Variants in TRAF3IP2 observed in about 807,000 individuals in gnomAD.
TRAF3IP2 encodes TRAF3 interacting protein 2, also known as E3 ubiquitin ligase TRAF3IP2.
In TRAF3IP2, 35 loss-of-function variants were observed where a neutral mutation model predicts 57.9. The observed-to-expected ratio is 0.60, with a 90% CI of 0.46 to 0.80. TRAF3IP2 has a LOEUF of 0.80. Among genes scored for constraint, TRAF3IP2 ranks in the 30% least tolerant of loss-of-function variants. TRAF3IP2 has a pLI of 0.00. For synonymous variants in TRAF3IP2, 251 were observed against 268.9 expected, an observed-to-expected ratio of 0.93 and a Z score of 0.65; for missense variants, 556 against 706.4, an observed-to-expected ratio of 0.79 and a Z score of 2.41.
Position 111,591,677 on chromosome 6 carries a change from C to T in TRAF3IP2, c.410G>A (p.Arg137His), listed in dbSNP as rs1243216801. The T allele has an allele frequency of 7.4e-6, 12 of 1,614,116 alleles. No homozygotes were observed. Among genetic ancestry groups the T allele is most frequent in the South Asian group, 4.4e-5 (4 of 91,090 alleles). The change falls in exon 2 of 9, where the codon CGT becomes CAT. Residue 137 changes from arginine (R) to histidine (H), a missense_variant. Transcript: ENST00000368761. The surrounding 1 kb of genome is among the most constrained non-coding windows in gnomAD (Gnocchi z 4.9). The stretch of plus-strand genomic sequence containing the variant: ...AAGCTGAGATACCAGCCATTGATTA[C>T]GTTTTTCCATAAATGAAAACTGATG... Reference protein sequence around the residue: ...AEHQFSFMEKRNQWLVSQLSA... With the variant: ...AEHQFSFMEKHNQWLVSQLSA...
chr6:111,576,815 G>A (rs937113743), intron 3 of TRAF3IP2: 2 of 152,124 alleles, frequency 1.3e-5, no homozygotes, highest in African/African-American at 4.8e-5. Flanking sequence ...TGGGTAGTGG[G>A]AACATGGATG....
rs987597605 is a variant in TRAF3IP2 at position 111,555,401 on chromosome 6, A to C, written c.*4004T>G. Among the ~76,000 whole-genome samples, 1 of 152,194 alleles carries C rather than the reference A, an allele frequency of 6.6e-6. No individual in the cohort carries two copies. Among genetic ancestry groups the C allele is most frequent in the African/African-American group, 2.4e-5 (1 of 41,454 alleles). On this transcript the variant is annotated 3_prime_UTR_variant, in exon 9 of 9. Transcript: ENST00000368761. ...AATTCTGTCTTTAAAGAGGTGATTTATTTAACAGGAAACAAAGAAAAAGGT... is the reference window on the plus strand; with the variant it reads ...AATTCTGTCTTTAAAGAGGTGATTTCTTTAACAGGAAACAAAGAAAAAGGT...
intron 5 of TRAF3IP2, among the ~76,000 whole-genome samples, chr6:111,571,833 T>A (rs932007405): frequency 7.3e-5 from 11 of 150,902 alleles, no homozygotes; most frequent in African/African-American, 2.7e-4. Flanking sequence ...CTTGAGAGGC[T>A]GAACCTAGGA....
chr6:111,585,334 C>CAA (rs66486925), intron 2 of TRAF3IP2, among the ~76,000 whole-genome samples: 84,800 of 146,244 alleles, frequency 0.58, 24,728 homozygotes, highest in South Asian at 0.66. Flanking sequence ...CCTCCCAGGC[C>CAA]AAAAAAAAAA....
intron 2 of TRAF3IP2, among the ~76,000 whole-genome samples, chr6:111,581,606 CA>C (rs1463295520): frequency 2.0e-5 from 3 of 151,976 alleles, no homozygotes. Context: ...GGATGTACAG[CA>C]AAATAAAACT....
intron 5 of TRAF3IP2, among the ~76,000 whole-genome samples, chr6:111,568,213 C>A (rs899121650): frequency 6.6e-6 from 1 of 152,084 alleles, no homozygotes; most frequent in African/African-American, 2.4e-5. Context: ...AAACTTGGAG[C>A]AGAGCCAAGG....
In TRAF3IP2 at chr6:111,591,864, G is replaced by A. The variant is rs1190044148; in HGVS notation, c.223C>T (p.Pro75Ser). The change falls in exon 2 of 9, where the codon CCT (proline) becomes TCT (serine). Residue 75 changes from proline to serine, a missense_variant. Transcript: ENST00000368761. This position sits in a 1 kb window ranked among gnomAD's most constrained non-coding sequence, Gnocchi z 4.9. ...STLKLANHQR[P>S]VSRQVTCLRT... ...AGGCAGGTGACCTGCCGGGATACAG[G>A]CCGCTGGTGATTTGCAAGTTTCAGG... The A allele has an allele frequency of 1.2e-6, 2 of 1,614,226 alleles. No homozygotes were observed. Among genetic ancestry groups the A allele is most frequent in the Non-Finnish European group, 1.7e-6 (2 of 1,180,040 alleles).
At chr6:111,578,308 A>G (rs2128376902) in intron 3 of TRAF3IP2, among the ~76,000 whole-genome samples, 1 of 152,260 alleles carries the variant, frequency 6.6e-6, no homozygotes, top group South Asian at 2.1e-4. Context: ...ATTTTACCTA[A>G]TTCCATTGTT....
Position 111,591,471 on chromosome 6 carries a change from C to A in TRAF3IP2, c.616G>T (p.Val206Phe). Reference sequence around the variant, plus strand: ...CTTTCCAGCTGCCTGATGCCCAGGACATCCTGGGGCTGGGAATCATATCCC... The same window carrying A: ...CTTTCCAGCTGCCTGATGCCCAGGAAATCCTGGGGCTGGGAATCATATCCC... ...DTGYDSQPQD[V>F]LGIRQLERPL... Residue 206 changes from valine to phenylalanine, a missense_variant, in exon 2 of 9, where the codon GTC (valine) becomes TTC (phenylalanine). Transcript: ENST00000368761. The surrounding 1 kb of genome is among the most constrained non-coding windows in gnomAD (Gnocchi z 4.9). The A allele has an allele frequency of 6.2e-7, 1 of 1,600,952 alleles. No homozygotes were observed. Among genetic ancestry groups the A allele is most frequent in the South Asian group, 1.1e-5 (1 of 89,862 alleles).
chr6:111,596,726 T>C (rs2128384786), intron 1 of TRAF3IP2, among the ~76,000 whole-genome samples: 1 of 152,300 alleles, frequency 6.6e-6, no homozygotes, highest in Admixed American at 6.5e-5. Context: ...AGTGCTGGGA[T>C]TACAGGTGTG....
In TRAF3IP2 at chr6:111,566,463, G is replaced by A. The variant is rs1419847496; in HGVS notation, c.1457C>T (p.Thr486Ile). The change falls in exon 7 of 9, where the codon ACT becomes ATT. Residue 486 changes from threonine to isoleucine, a missense_variant. This residue lies in a region of TRAF3IP2 where 128 missense variants were observed against 207.7 expected (regional missense o/e 0.62). Coordinates refer to ENST00000368761, the MANE Select transcript of TRAF3IP2 (RefSeq NM_147686.4). The stretch of plus-strand genomic sequence containing the variant: ...ACTCACCATTCGATGAATGTACTTA[G>A]TATGTAAGCCATGCTCATCCTCGTC... ...QLDEDEHGLH[T>I]KYIHRMMQIE... 77 of 1,613,864 alleles carry A rather than the reference G, an allele frequency of 4.8e-5. No homozygotes were observed. Among genetic ancestry groups the A allele is most frequent in the Non-Finnish European group, 6.3e-5 (74 of 1,179,852 alleles).
rs1795313033 is a variant in TRAF3IP2 at position 111,558,309 on chromosome 6, A to ACACTT, written c.*1091_*1095dup. 6.6e-6 allele frequency: 1 copy of ACACTT among 152,228 alleles called. No individual in the cohort carries two copies. Among genetic ancestry groups the ACACTT allele is most frequent in the African/African-American group, 2.4e-5 (1 of 41,468 alleles). 9.4% of individuals were successfully genotyped at this position (152,228 alleles called of 1,614,324 possible). A position where few individuals can be genotyped will look rare whatever the true frequency, so the allele number is the denominator to read the frequency against. On this transcript the variant is annotated 3_prime_UTR_variant, in exon 9 of 9. Coordinates refer to ENST00000368761, the MANE Select transcript of TRAF3IP2 (RefSeq NM_147686.4). Reference sequence around the variant, plus strand: ...CTACAATTCTAGCCTACATCCCCCAACACTTCATACACATATGCAAATATT... The same window carrying ACACTT: ...CTACAATTCTAGCCTACATCCCCCAACACTTCACTTCATACACATATGCAAATATT...
chr6:111,587,547 A>G (rs1056297675), intron 2 of TRAF3IP2, among the ~76,000 whole-genome samples: 9 of 151,958 alleles, frequency 5.9e-5, no homozygotes, highest in African/African-American at 2.2e-4. Flanking sequence ...GAGCCACTGC[A>G]CCCGGCCGTT....
At chr6:111,563,136 G>A (rs1432174618) in intron 7 of TRAF3IP2, 97 bp from the exon 8 acceptor site, 1 of 860,824 alleles carries the variant, frequency 1.2e-6, no homozygotes, top group African/African-American at 1.7e-5. Context: ...TTTTTATTCT[G>A]ATTTCCATAC....
intron 8 of TRAF3IP2, among the ~76,000 whole-genome samples, chr6:111,561,822 G>C (rs1276097201): frequency 6.6e-6 from 1 of 152,214 alleles, no homozygotes; most frequent in African/African-American, 2.4e-5. Context: ...TGGCAGAGGA[G>C]AGGATGGCTA....
chr6:111,557,285 A>ATAGTT lies in TRAF3IP2; in HGVS notation c.*2115_*2119dup. 1 of 152,310 alleles carries ATAGTT rather than the reference A, an allele frequency of 6.6e-6. No individual in the cohort carries two copies. The highest frequency in any genetic ancestry group is 2.1e-4 in the South Asian group (1 of 4,822). The allele number at this position is 152,310 out of a possible 1,614,324, so 9.4% of individuals were successfully genotyped here. A position where few individuals can be genotyped will look rare whatever the true frequency, so the allele number is the denominator to read the frequency against. ...CCATAATTAAAGCCATCCCACCTTT[A>ATAGTT]TAGTTTACGTAGATTTGATACATGT... On this transcript the variant is annotated 3_prime_UTR_variant, in exon 9 of 9. Transcript: ENST00000368761.
chr6:111,586,364 T>G (rs1796336881), intron 2 of TRAF3IP2, among the ~76,000 whole-genome samples: 1 of 152,128 alleles, frequency 6.6e-6, no homozygotes, highest in Non-Finnish European at 1.5e-5. Context: ...ATTCTCTCTC[T>G]TTTCCCAATA....
chr6:111,582,802 GC>G (rs2128378820), intron 2 of TRAF3IP2, among the ~76,000 whole-genome samples: 1 of 152,182 alleles, frequency 6.6e-6, no homozygotes, highest in South Asian at 2.1e-4. Context: ...TCAGGTTCCC[GC>G]CCCTGTAGAT....
chr6:111,574,370 A>G (rs1476660034), intron 4 of TRAF3IP2, among the ~76,000 whole-genome samples: 1 of 152,256 alleles, frequency 6.6e-6, no homozygotes, highest in Admixed American at 6.5e-5. Flanking sequence ...AGCACATCAT[A>G]TAATAATTTC....
Sources: allele counts gnomAD v4.1 joint callset (sites outside exome capture counted in the v4.1 genomes callset), GRCh38; gene constraint gnomAD v4.1.1; regional missense constraint gnomAD v4.1.1; non-coding constraint Gnocchi (gnomAD v3.1); transcripts MANE v1.5; gene names NCBI Gene and HGNC (gene_info 2026-07-23, HGNC 2026-07-21).